The following MAP3K2 variants were observed in gnomAD, a reference collection of about 807,000 sequenced individuals.
The protein encoded by MAP3K2 is mitogen-activated protein kinase kinase kinase 2, also known as MAP/ERK kinase kinase 2.
In MAP3K2, 24 loss-of-function variants were observed where a neutral mutation model predicts 80.3. The ratio of observed to expected loss-of-function variants is 0.30; its 90% CI spans 0.22 to 0.42. The LOEUF is 0.42. MAP3K2 is among the 10% of genes least tolerant of loss of function. The probability of loss-of-function intolerance (pLI) is 1.00; values close to 1 mark genes in which losing one functional copy is unlikely to be tolerated. For missense variants in MAP3K2, 608 were observed against 750.1 expected, an observed-to-expected ratio of 0.81 and a Z score of 2.21; for synonymous variants, 244 against 253.7, an observed-to-expected ratio of 0.96 and a Z score of 0.36.
intron 1 of MAP3K2, among the ~76,000 whole-genome samples, chr2:127,369,709 T>C (rs1687030792): frequency 6.6e-6 from 1 of 152,190 alleles, no homozygotes; most frequent in Non-Finnish European, 1.5e-5. Context: ...TATGGAAAGA[T>C]TAAATTTCCC....
At chr2:127,380,168 G>C (rs1186124672) in intron 1 of MAP3K2, among the ~76,000 whole-genome samples, 1 of 152,112 alleles carries the variant, frequency 6.6e-6, no homozygotes, top group Non-Finnish European at 1.5e-5. Flanking sequence ...CACTGTGCTA[G>C]GTACTGGAGT....
chr2:127,384,083 G>C (rs1687301098), intron 1 of MAP3K2, among the ~76,000 whole-genome samples: 1 of 151,694 alleles, frequency 6.6e-6, no homozygotes, highest in African/African-American at 2.4e-5. Context: ...TTTTAGTAAA[G>C]ACGGGGTTTC....
At chr2:127,323,546 G>A (rs1686069569) in intron 11 of MAP3K2, among the ~76,000 whole-genome samples, 1 of 152,008 alleles carries the variant, frequency 6.6e-6, no homozygotes, top group Non-Finnish European at 1.5e-5. Context: ...AATTAGCTGG[G>A]TGTGATGGCA....
intron 1 of MAP3K2, among the ~76,000 whole-genome samples, chr2:127,359,240 A>G (rs145781090): frequency 8.5e-5 from 13 of 152,350 alleles, no homozygotes; most frequent in African/African-American, 3.1e-4. Context: ...CTCATCACCC[A>G]TAACAAAGGT....
At chr2:127,384,234 A>G in intron 1 of MAP3K2, among the ~76,000 whole-genome samples, 1 of 145,934 alleles carries the variant, frequency 6.9e-6, no homozygotes, top group South Asian at 2.1e-4. Context: ...ATATATATAT[A>G]TTGCTTTTTT....
chr2:127,329,426 G>A (rs1314057357), intron 7 of MAP3K2, among the ~76,000 whole-genome samples: 2 of 147,038 alleles, frequency 1.4e-5, no homozygotes, highest in Admixed American at 6.9e-5. Context: ...GCACAATCTC[G>A]GCTCACTGCA....
chr2:127,388,259 C>T, upstream of MAP3K2: 3 of 985,396 alleles, frequency 3.0e-6, no homozygotes, highest in Non-Finnish European at 3.6e-6. Flanking sequence ...TGGGTTGTCT[C>T]GAGCCTGCGG....
intron 1 of MAP3K2, among the ~76,000 whole-genome samples, chr2:127,346,409 T>TAAAAAAAAAAAAAAA (rs1223353072): frequency 7.0e-5 from 6 of 85,312 alleles, no homozygotes; most frequent in East Asian, 7.4e-4. Flanking sequence ...AAAACTGGTT[T>TAAAAAAAAAAAAAAA]TAAAAAAAAA....
chr2:127,363,797 C>T (rs905895774), intron 1 of MAP3K2, among the ~76,000 whole-genome samples: 2 of 152,266 alleles, frequency 1.3e-5, no homozygotes, highest in East Asian at 3.9e-4. Context: ...GCTAAGACTA[C>T]AGGCACACAC....
intron 2 of MAP3K2, among the ~76,000 whole-genome samples, chr2:127,342,277 T>G (rs1468611783): frequency 2.6e-5 from 4 of 152,110 alleles, no homozygotes; most frequent in Non-Finnish European, 5.9e-5. Flanking sequence ...GAAGAACAAT[T>G]TTTAAAGTAG....
intron 5 of MAP3K2, among the ~76,000 whole-genome samples, chr2:127,333,305 C>G (rs910073327): frequency 7.2e-6 from 1 of 139,486 alleles, no homozygotes; most frequent in Admixed American, 7.3e-5. Context: ...CACACACACA[C>G]CCCTTATTAA....
intron 7 of MAP3K2, 66 bp downstream of exon 7, chr2:127,329,852 CACT>C (rs1295854412): frequency 2.4e-6 from 2 of 835,938 alleles, no homozygotes; most frequent in Non-Finnish European, 4.1e-6. Context: ...TTAGGTGCCA[CACT>C]ACATTAAAGG....
At chr2:127,369,704 A>G (rs1418855710) in intron 1 of MAP3K2, among the ~76,000 whole-genome samples, 2 of 152,136 alleles carry the variant, frequency 1.3e-5, no homozygotes, top group African/African-American at 4.8e-5. Flanking sequence ...GGGCATATGG[A>G]AAGATTAAAT....
chr2:127,366,512 AT>A (rs1265560405), intron 1 of MAP3K2, among the ~76,000 whole-genome samples: 2 of 152,188 alleles, frequency 1.3e-5, no homozygotes, highest in Non-Finnish European at 2.9e-5. Context: ...GAAGAAAAAT[AT>A]TTCGTGATGT....
intron 2 of MAP3K2, among the ~76,000 whole-genome samples, chr2:127,340,979 C>G (rs1256559089): frequency 6.6e-6 from 1 of 151,862 alleles, no homozygotes; most frequent in Non-Finnish European, 1.5e-5. Flanking sequence ...ATACTTCTTT[C>G]TTTTTGGGGG....
chr2:127,359,404 A>C (rs777323041), intron 1 of MAP3K2, among the ~76,000 whole-genome samples: 1 of 152,220 alleles, frequency 6.6e-6, no homozygotes, highest in Non-Finnish European at 1.5e-5. Flanking sequence ...ACCTTCAAAA[A>C]GTGAAAGAAA....
At position 127,318,272 on chromosome 2, in the gene MAP3K2, T is replaced by C. The variant is rs1301484304; in HGVS notation, c.1091A>G (p.Gln364Arg). 6.2e-7 allele frequency: 1 copy of C among 1,608,436 alleles called. No individual in the cohort carries two copies. Among genetic ancestry groups the C allele is most frequent in the Non-Finnish European group, 8.5e-7 (1 of 1,177,892 alleles). ...GAGGTAGACCCTTCCAAAGGCTCCT[T>C]GGCCAAGCAGTTTGCCCAATCTCCA... ...TNWRLGKLLG[Q>R]GAFGRVYLCY... is the part of the protein sequence containing the mutation. Residue 364 changes from glutamine (Q) to arginine (R), a missense_variant, in exon 13 of 17, where the codon CAA becomes CGA. Transcript: ENST00000682094.
intron 1 of MAP3K2, among the ~76,000 whole-genome samples, chr2:127,363,625 T>C (rs1230993497): frequency 2.0e-5 from 3 of 152,200 alleles, no homozygotes; most frequent in Non-Finnish European, 4.4e-5. Context: ...ATTCCTGTAA[T>C]CCTCTTCATT....
At chr2:127,313,673 T>C (rs1162182607) in intron 15 of MAP3K2, among the ~76,000 whole-genome samples, 1 of 152,202 alleles carries the variant, frequency 6.6e-6, no homozygotes, top group African/African-American at 2.4e-5. Context: ...TGGAGATGCA[T>C]TCTGAAAAAT....
Sources: allele counts gnomAD v4.1 joint callset (sites outside exome capture counted in the v4.1 genomes callset), GRCh38; gene constraint gnomAD v4.1.1; transcripts MANE v1.5; gene names NCBI Gene and HGNC (gene_info 2026-07-23, HGNC 2026-07-21).